Variants in UBASH3A observed in about 807,000 individuals in gnomAD.
UBASH3A encodes ubiquitin associated and SH3 domain containing A.
UBASH3A carries 63 observed loss-of-function variants against 73.5 expected under a neutral mutation model. The observed-to-expected ratio is 0.86, with a 90% CI of 0.70 to 1.06. The LOEUF is 1.06. Among genes scored for constraint, UBASH3A ranks in the 50% least tolerant of loss-of-function variants. The pLI is 0.00. For synonymous variants in UBASH3A, 363 were observed against 351.1 expected (o/e 1.03, Z -0.38); for missense variants, 860 against 859.0 (o/e 1.00, Z -0.02).
chr21:42,437,955 A>C (rs888730980), intron 11 of UBASH3A, among the ~76,000 whole-genome samples: 2 of 152,302 alleles, frequency 1.3e-5, no homozygotes, highest in South Asian at 4.1e-4. Flanking sequence ...GACCCTTCCC[A>C]GGGCAATGCA....
chr21:42,426,878 T>G, intron 8 of UBASH3A, 58 bp downstream of exon 8: 1 of 1,584,308 alleles, frequency 6.3e-7, no homozygotes. Context: ...CACTTTGTAT[T>G]AACTTCACGG....
intron 14 of UBASH3A, among the ~76,000 whole-genome samples, chr21:42,445,064 C>G (rs2053822862): frequency 1.3e-5 from 2 of 152,292 alleles, no homozygotes; most frequent in African/African-American, 4.8e-5. Context: ...TTGGAGTCAC[C>G]CAGCATGGAA....
Position 42,443,389 on chromosome 21 carries a change from T to G in UBASH3A, c.1709T>G (p.Val570Gly). The change falls in exon 13 of 15, where the codon GTG (valine) becomes GGG (glycine). Residue 570 changes from valine to glycine, a missense_variant. Physicochemically the swap from Val to Gly is moderately radical, Grantham distance 109. Coordinates refer to ENST00000319294, the MANE Select transcript of UBASH3A (RefSeq NM_018961.4). Reference sequence around the variant, plus strand: ...ATGGACAGGTGCACGGCGAGCATGGTGCAAATCGTCAACACCTGTCCACAG... The same window carrying G: ...ATGGACAGGTGCACGGCGAGCATGGGGCAAATCGTCAACACCTGTCCACAG... ...EYMDRCTASM[V>G]QIVNTCPQDT... The G allele has an allele frequency of 1.2e-6, 2 of 1,612,700 alleles. No homozygotes were observed. The highest frequency in any genetic ancestry group is 1.7e-5 in the Admixed American group (1 of 59,904).
intron 11 of UBASH3A, among the ~76,000 whole-genome samples, chr21:42,438,072 C>T (rs1230515283): frequency 6.6e-6 from 1 of 152,194 alleles, no homozygotes; most frequent in Non-Finnish European, 1.5e-5. Context: ...AGTTCCTGCC[C>T]ATAGGAGAGC....
chr21:42,426,650 C>T, intron 7 of UBASH3A, 47 bp from the exon 8 acceptor site: 1 of 1,603,868 alleles, frequency 6.2e-7, no homozygotes, highest in Middle Eastern at 1.7e-4. Flanking sequence ...TCCATGGCAA[C>T]AACATGGTCT....
rs147765314 is a variant in UBASH3A, at chr21:42,432,109, G to A, written c.1177G>A (p.Val393Ile). The A allele has an allele frequency of 3.1e-4, 497 of 1,611,866 alleles. 7 individuals are homozygous for A. In the South Asian group the frequency reaches 4.3e-3, roughly 14 times the overall value. Reference sequence around the variant, plus strand: ...TTCCTGCCCCACCCCCCAGGCTACCGTTGCAAGGAAGAGCGTGCTGGTGGT... The same window carrying A: ...TTCCTGCCCCACCCCCCAGGCTACCATTGCAAGGAAGAGCGTGCTGGTGGT... ...LSSLQALQAT[V>I]ARKSVLVVRH... The change falls in exon 9 of 15, where the codon GTT becomes ATT. Residue 393 changes from valine (V) to isoleucine (I), a missense_variant. Physicochemically the swap from Val to Ile is conservative, Grantham distance 29. Coordinates refer to ENST00000319294, the MANE Select transcript of UBASH3A (RefSeq NM_018961.4).
At position 42,413,350 on chromosome 21, in the gene UBASH3A, T is replaced by C; in HGVS notation, c.554-60T>C. ...CCAGGGGAGCAGAGCCCAGCAGCAA[T>C]GGTGGGATGGCTGGGTGGGCTTTCT... On this transcript the variant is annotated intron_variant, in intron 4 of 14. Transcript: ENST00000319294. This position sits in a 1 kb window ranked among gnomAD's most constrained non-coding sequence, Gnocchi z 4.5. 6.5e-7 allele frequency: 1 copy of C among 1,540,234 alleles called. No individual in the cohort carries two copies. The highest frequency in any genetic ancestry group is 8.9e-7 in the Non-Finnish European group (1 of 1,120,718).
intron 7 of UBASH3A, among the ~76,000 whole-genome samples, chr21:42,419,141 C>A (rs570587438): frequency 1.3e-5 from 2 of 152,344 alleles, no homozygotes; most frequent in Non-Finnish European, 2.9e-5. Context: ...TGAGGCTTCA[C>A]ACCCTCGCCT....
intron 3 of UBASH3A, chr21:42,409,984 A>G (rs765496357): frequency 3.0e-6 from 2 of 677,238 alleles, no homozygotes; most frequent in Non-Finnish European, 5.4e-6. Context: ...CAGATACCTC[A>G]CTCATCTTTG....
Position 42,404,504 on chromosome 21 carries a change from G to T in UBASH3A, c.113+446G>T, listed in dbSNP as rs373985032. On this transcript the variant is annotated intron_variant, in intron 1 of 14. Transcript: ENST00000319294. ...AAAGACCAGCTCGGCTGGCTGACTGGGGGACCCTGAAATTTGTGAAAATCA... is the reference window on the plus strand; with the variant it reads ...AAAGACCAGCTCGGCTGGCTGACTGTGGGACCCTGAAATTTGTGAAAATCA... Among the ~76,000 whole-genome samples the T allele has an allele frequency of 2.6e-5, 4 of 152,252 alleles. 1 individual carries two copies. The highest frequency in any genetic ancestry group is 3.9e-4 in the East Asian group (2 of 5,188).
chr21:42,427,791 T>A (rs2146556937), intron 8 of UBASH3A, among the ~76,000 whole-genome samples: 1 of 152,212 alleles, frequency 6.6e-6, no homozygotes, highest in African/African-American at 2.4e-5. Flanking sequence ...CCAGGGCCCA[T>A]CCTGGTGCCT....
At chr21:42,444,320 G>C (rs532757591) in intron 13 of UBASH3A, among the ~76,000 whole-genome samples, 4 of 152,218 alleles carry the variant, frequency 2.6e-5, no homozygotes, top group African/African-American at 9.7e-5. Flanking sequence ...CCTGAGGCTG[G>C]TGGGCAGCTG....
chr21:42,439,581 G>C (rs1018257228), intron 11 of UBASH3A, among the ~76,000 whole-genome samples: 1 of 152,024 alleles, frequency 6.6e-6, no homozygotes, highest in South Asian at 2.1e-4. Context: ...AGCTCCACCC[G>C]AGGGCAAGCA....
chr21:42,406,454 G>T (rs1568905426), intron 2 of UBASH3A, 93 bp downstream of exon 2: 14 of 1,129,962 alleles, frequency 1.2e-5, no homozygotes, highest in Non-Finnish European at 6.7e-6. Context: ...ACCAGGAAGA[G>T]CCGGGCGCCT....
At chr21:42,416,639 G>A in intron 6 of UBASH3A, 28 bp downstream of exon 6, 9 of 1,491,640 alleles carry the variant, frequency 6.0e-6, no homozygotes, top group Non-Finnish European at 8.1e-6. Flanking sequence ...GGGCTCATAA[G>A]AAGCAGATGA....
intron 3 of UBASH3A, 112 bp from the exon 4 acceptor site, chr21:42,412,912 T>C (rs549713145): frequency 4.9e-4 from 463 of 949,864 alleles, no homozygotes; most frequent in Non-Finnish European, 7.1e-4. Flanking sequence ...GTTACAGCGC[T>C]TTGAACAGAA....
intron 10 of UBASH3A, 54 bp from the exon 11 acceptor site, chr21:42,437,434 A>G: frequency 1.3e-6 from 2 of 1,538,640 alleles, no homozygotes; most frequent in Non-Finnish European, 9.0e-7. Flanking sequence ...CTCATCTGCC[A>G]TCAGAGGCTA....
At chr21:42,409,688 A>C in intron 3 of UBASH3A, 80 bp downstream of exon 3, 1 of 1,321,138 alleles carries the variant, frequency 7.6e-7, no homozygotes, top group East Asian at 2.3e-5. Context: ...GATGGGACAA[A>C]GTTGACTTAT....
intron 6 of UBASH3A, among the ~76,000 whole-genome samples, chr21:42,417,249 G>A (rs998001146): frequency 1.3e-5 from 2 of 151,490 alleles, no homozygotes; most frequent in Non-Finnish European, 2.9e-5. Context: ...AGGGCAAAAC[G>A]CTGTCTCTAC....
Sources: allele counts gnomAD v4.1 joint callset (sites outside exome capture counted in the v4.1 genomes callset), GRCh38; gene constraint gnomAD v4.1.1; non-coding constraint Gnocchi (gnomAD v3.1); transcripts MANE v1.5; gene names NCBI Gene and HGNC (gene_info 2026-07-23, HGNC 2026-07-21).